The following ZBTB20 variants were observed in gnomAD, a reference collection of about 807,000 sequenced individuals.
The protein encoded by ZBTB20 is zinc finger and BTB domain containing 20.
A neutral mutation model predicts 56.9 loss-of-function variants in ZBTB20; 9 were observed. That is an observed-to-expected ratio of 0.16 (90% CI 0.10 to 0.28). The LOEUF (loss-of-function observed/expected upper bound fraction) is 0.28, where lower values mean the gene tolerates loss of function less well. ZBTB20 is among the 10% of genes least tolerant of loss of function. The probability of loss-of-function intolerance (pLI) is 1.00; values close to 1 mark genes in which losing one functional copy is unlikely to be tolerated. For synonymous variants in ZBTB20, 417 were observed against 420.7 expected, an observed-to-expected ratio of 0.99 and a Z score of 0.11; for missense variants, 655 against 1,003.0, an observed-to-expected ratio of 0.65 and a Z score of 4.69.
intron 7 of ZBTB20, among the ~76,000 whole-genome samples, chr3:114,450,512 G>A (rs2091538802): frequency 6.6e-6 from 1 of 152,032 alleles, no homozygotes; most frequent in South Asian, 2.1e-4. Context: ...TTCACCTCTG[G>A]CTATGATAAG....
intron 5 of ZBTB20, among the ~76,000 whole-genome samples, chr3:114,734,966 T>G (rs990441307): frequency 6.6e-6 from 1 of 151,414 alleles, no homozygotes; most frequent in Non-Finnish European, 1.5e-5. Flanking sequence ...AGAAAACTTA[T>G]GCAGATATGG....
intron 7 of ZBTB20, among the ~76,000 whole-genome samples, chr3:114,471,132 C>G (rs1355347487): frequency 1.3e-5 from 2 of 152,142 alleles, no homozygotes; most frequent in Admixed American, 1.3e-4. Context: ...AAGAAAGGTT[C>G]TCCAAGGTAG....
chr3:114,642,370 A>C lies in ZBTB20; in HGVS notation c.-295+51158T>G, dbSNP rs369584851. On this transcript the variant is annotated intron_variant, in intron 6 of 11. Coordinates refer to ENST00000675478, the MANE Select transcript of ZBTB20 (RefSeq NM_001348800.3). ...TAAACCTCATTCACACCTTATTGTT[A>C]ATTACTTTGATGTTCTAGAATATGA... Among the ~76,000 whole-genome samples, 4 of 152,002 alleles carry C rather than the reference A, an allele frequency of 2.6e-5. No individual in the cohort carries two copies. The East Asian group carries it at 7.7e-4, about 29-fold the overall frequency.
At chr3:114,774,409 A>G (rs963609571) in intron 5 of ZBTB20, among the ~76,000 whole-genome samples, 1 of 152,174 alleles carries the variant, frequency 6.6e-6, no homozygotes, top group Non-Finnish European at 1.5e-5. Flanking sequence ...GATAGCTCCA[A>G]TGACCTGGGT....
Position 114,434,413 on chromosome 3 carries a change from T to C in ZBTB20, c.-254-45308A>G, listed in dbSNP as rs538351025. 2.9e-4 allele frequency among the ~76,000 whole-genome samples: 44 copies of C among 152,086 alleles called. No homozygotes were observed. The South Asian group carries it at 9.2e-3, about 32-fold the overall frequency. On this transcript the variant is annotated intron_variant, in intron 7 of 11. Coordinates refer to ENST00000675478, the MANE Select transcript of ZBTB20 (RefSeq NM_001348800.3). ...TATAAGATCGTATTTCCCATGGTAG[T>C]GGGAAATAGAATTTGAATGTCCTGG...
Position 114,791,244 on chromosome 3 carries a change from G to A in ZBTB20, c.-343+9857C>T, listed in dbSNP as rs542260002. Among the ~76,000 whole-genome samples, 9 of 152,236 alleles carry A rather than the reference G, an allele frequency of 5.9e-5. No homozygotes were observed. The South Asian group carries it at 1.9e-3, about 32-fold the overall frequency. On this transcript the variant is annotated intron_variant, in intron 5 of 11. Coordinates refer to ENST00000675478, the MANE Select transcript of ZBTB20 (RefSeq NM_001348800.3). ...CTCTTTCCTTCCAATTATACTTGCT[G>A]CCTTGCTAGTGGTAAGCAATGATAA...
At chr3:114,747,263 G>A (rs1382237933) in intron 5 of ZBTB20, among the ~76,000 whole-genome samples, 3 of 152,098 alleles carry the variant, frequency 2.0e-5, no homozygotes, top group Admixed American at 2.0e-4. Context: ...GGTGGAAATA[G>A]CCAAATGTAT....
At position 114,374,676 on chromosome 3, in the gene ZBTB20, G is replaced by C. The variant is rs142813421; in HGVS notation, c.199+5541C>G. 3.2e-3 allele frequency among the ~76,000 whole-genome samples: 484 copies of C among 152,306 alleles called. 1 individual carries two copies. Among genetic ancestry groups the C allele is most frequent in the Admixed American group, 5.6e-3 (86 of 15,298 alleles). On this transcript the variant is annotated intron_variant, in intron 10 of 11. Coordinates refer to ENST00000675478, the MANE Select transcript of ZBTB20 (RefSeq NM_001348800.3). ...GTTCAGCTGCTCCTGTGGGATTCCA[G>C]TTAGTTTAGACACATCTGCTGAGAT...
At chr3:114,573,717 G>C (rs2053700498) in intron 6 of ZBTB20, among the ~76,000 whole-genome samples, 1 of 152,014 alleles carries the variant, frequency 6.6e-6, no homozygotes, top group African/African-American at 2.4e-5. Context: ...GATTCAGTTT[G>C]GGGAAACTGA....
At chr3:114,453,929 C>CG (rs1280853977) in intron 7 of ZBTB20, among the ~76,000 whole-genome samples, 1 of 120,642 alleles carries the variant, frequency 8.3e-6, no homozygotes, top group Non-Finnish European at 1.8e-5. Flanking sequence ...ACTCCCCCCC[C>CG]CCCCACCCTT....
chr3:114,809,985 T>C (rs370563224), intron 4 of ZBTB20, among the ~76,000 whole-genome samples: 1 of 152,202 alleles, frequency 6.6e-6, no homozygotes, highest in South Asian at 2.1e-4. Context: ...GCTGGGACTT[T>C]CCCCTGTGTT....
intron 7 of ZBTB20, among the ~76,000 whole-genome samples, chr3:114,474,402 GAACA>G (rs1224435879): frequency 6.6e-6 from 1 of 152,168 alleles, no homozygotes; most frequent in Non-Finnish European, 1.5e-5. Flanking sequence ...ATATGGTTAA[GAACA>G]AACAAAGTGA....
chr3:114,376,706 A>G (rs904438598), intron 10 of ZBTB20, among the ~76,000 whole-genome samples: 3 of 152,234 alleles, frequency 2.0e-5, no homozygotes, highest in Non-Finnish European at 4.4e-5. Flanking sequence ...GTTCAATGAA[A>G]AATAAATAAA....
intron 2 of ZBTB20, among the ~76,000 whole-genome samples, chr3:115,029,485 A>G (rs956995086): frequency 3.5e-4 from 53 of 150,940 alleles, no homozygotes; most frequent in African/African-American, 1.2e-3. Context: ...TGTAAAAGCC[A>G]CAATAAATAG....
At chr3:114,378,269 A>G (rs1395887507) in intron 10 of ZBTB20, among the ~76,000 whole-genome samples, 1 of 152,186 alleles carries the variant, frequency 6.6e-6, no homozygotes, top group African/African-American at 2.4e-5. Flanking sequence ...ACAAACTACA[A>G]TCCAAATATA....
chr3:114,848,335 G>A (rs1245556132), intron 4 of ZBTB20, among the ~76,000 whole-genome samples: 1 of 152,148 alleles, frequency 6.6e-6, no homozygotes, highest in Non-Finnish European at 1.5e-5. Context: ...AACAGGGCCT[G>A]TTTATTATTT....
chr3:114,829,935 C>T (rs543344775), intron 4 of ZBTB20, among the ~76,000 whole-genome samples: 1 of 151,938 alleles, frequency 6.6e-6, no homozygotes, highest in East Asian at 1.9e-4. Context: ...AGAAAAATTA[C>T]TCTTCATTGT....
intron 2 of ZBTB20, among the ~76,000 whole-genome samples, chr3:115,005,348 T>C (rs1020265128): frequency 3.3e-5 from 5 of 151,798 alleles, no homozygotes; most frequent in Admixed American, 6.6e-5. Flanking sequence ...AAATTTTTAA[T>C]GACCCCAAAT....
chr3:114,498,783 C>T (rs2043592356), intron 7 of ZBTB20, among the ~76,000 whole-genome samples: 1 of 152,200 alleles, frequency 6.6e-6, no homozygotes, highest in Non-Finnish European at 1.5e-5. Flanking sequence ...TCCTATGAGC[C>T]AGAGACAGCC....
Sources: gnomAD v4.1 joint callset for allele counts (sites outside exome capture counted in the v4.1 genomes callset) on GRCh38, gnomAD v4.1.1 for gene constraint, MANE v1.5 for transcripts, NCBI Gene and HGNC (gene_info 2026-07-23, HGNC 2026-07-21) for gene names.